Variants in DERA observed in about 807,000 individuals in gnomAD.
DERA encodes the protein 2-deoxy-D-ribose 5-phosphate aldolase.
A neutral mutation model predicts 41.1 loss-of-function variants in DERA; 15 were observed. The ratio of observed to expected loss-of-function variants is 0.37; its 90% CI spans 0.24 to 0.56. DERA has a LOEUF of 0.56. Ranked by LOEUF, DERA falls within the 20% of genes least tolerant of loss-of-function variation. DERA has a pLI of 0.81. For missense variants in DERA, 396 were observed against 403.4 expected (o/e 0.98, Z 0.16); for synonymous variants, 139 against 137.4 (o/e 1.01, Z -0.08).
chr12:16,006,577 C>T (rs535478300), intron 6 of DERA, among the ~76,000 whole-genome samples: 44 of 152,354 alleles, frequency 2.9e-4, no homozygotes, highest in Middle Eastern at 3.4e-3. Flanking sequence ...TTCCACACGT[C>T]GTACCCGACA....
rs2136134845 is a variant in DERA at position 15,938,569 on chromosome 12, G to T, written c.32-18367G>T. Among the ~76,000 whole-genome samples, 1 of 152,198 alleles carries T rather than the reference G, an allele frequency of 6.6e-6. No individual in the cohort carries two copies. Among genetic ancestry groups the T allele is most frequent in the East Asian group, 1.9e-4 (1 of 5,180 alleles). On this transcript the variant is annotated intron_variant, in intron 1 of 8. Coordinates refer to ENST00000428559, the MANE Select transcript of DERA (RefSeq NM_015954.4). The surrounding 1 kb of genome is among the most constrained non-coding windows in gnomAD (Gnocchi z 4.1). ...TTAAAATTCTTGATAGTTTTCAATT[G>T]ATTCTTACCCATGAAATGTGTTTTT...
Position 15,947,808 on chromosome 12 carries a change from G to A in DERA, c.32-9128G>A, listed in dbSNP as rs149984406. Among the ~76,000 whole-genome samples, 39 of 152,226 alleles carry A rather than the reference G, an allele frequency of 2.6e-4. No individual in the cohort carries two copies. In the East Asian group the frequency reaches 3.1e-3, roughly 12 times the overall value. On this transcript the variant is annotated intron_variant, in intron 1 of 8. Transcript: ENST00000428559. Reference sequence around the variant, plus strand: ...GATGCAGTTTCTTCCTAGCATTGACGGTCTTTACAATTTGGCATGTTTTTT... The same window carrying A: ...GATGCAGTTTCTTCCTAGCATTGACAGTCTTTACAATTTGGCATGTTTTTT...
At chr12:15,951,759 A>G (rs1003974884) in intron 1 of DERA, among the ~76,000 whole-genome samples, 3 of 152,162 alleles carry the variant, frequency 2.0e-5, no homozygotes, top group Non-Finnish European at 4.4e-5. Context: ...ACATACACCA[A>G]CAGATACATG....
chr12:16,033,306 G>T (rs1036239923), intron 7 of DERA, among the ~76,000 whole-genome samples: 2 of 152,194 alleles, frequency 1.3e-5, no homozygotes, highest in African/African-American at 4.8e-5. Flanking sequence ...GTAGCTAGAC[G>T]TTATATAGCT....
At chr12:15,930,419 TTC>T (rs1476172404) in intron 1 of DERA, among the ~76,000 whole-genome samples, 5 of 152,322 alleles carry the variant, frequency 3.3e-5, no homozygotes, top group Admixed American at 3.3e-4. Flanking sequence ...CCATCCCAAG[TTC>T]TTTTATTTTT....
rs1948628949 is a variant in DERA, at chr12:15,967,212, A to G, written c.508+4265A>G. On this transcript the variant is annotated intron_variant, in intron 5 of 8. Coordinates refer to ENST00000428559, the MANE Select transcript of DERA (RefSeq NM_015954.4). The surrounding 1 kb of genome is among the most constrained non-coding windows in gnomAD (Gnocchi z 4.9). ...ATAAAAAAAAAAAAATGCAAAAATTAGCCTGGTGTTGTGGTATGCGCCTGT... is the reference window on the plus strand; with the variant it reads ...ATAAAAAAAAAAAAATGCAAAAATTGGCCTGGTGTTGTGGTATGCGCCTGT... Among the ~76,000 whole-genome samples, 1 of 151,826 alleles carries G rather than the reference A, an allele frequency of 6.6e-6. No homozygotes were observed. Among genetic ancestry groups the G allele is most frequent in the South Asian group, 2.1e-4 (1 of 4,814 alleles).
rs1039406142 is a variant in DERA at position 15,981,144 on chromosome 12, C to T, written c.509-1164C>T. Among the ~76,000 whole-genome samples the T allele has an allele frequency of 8.5e-5, 13 of 152,050 alleles. No individual in the cohort carries two copies. The highest frequency in any genetic ancestry group is 8.5e-4 in the Admixed American group (13 of 15,246). On this transcript the variant is annotated intron_variant, in intron 5 of 8. Transcript: ENST00000428559. This position sits in a 1 kb window ranked among gnomAD's most constrained non-coding sequence, Gnocchi z 6.1. ...CAGGCGGATTACCAGATCAGGAGAT[C>T]GAGACCATCCTGGTTAACACGGTGA...
chr12:15,973,434 T>TACCAAATTATTATTTTTCTAATAC (rs1202150412), intron 5 of DERA, among the ~76,000 whole-genome samples: 1 of 26,274 alleles, frequency 3.8e-5, no homozygotes, highest in African/African-American at 1.2e-4. Flanking sequence ...TTTGATAATA[T>TACCAAATTATTATTTTTCTAATAC]ATGGCAAGAA....
intron 6 of DERA, among the ~76,000 whole-genome samples, chr12:16,016,805 A>AG (rs898033397): frequency 2.0e-5 from 3 of 151,134 alleles, no homozygotes; most frequent in Non-Finnish European, 4.4e-5. Context: ...AAAAAAAAAA[A>AG]AAAAAAAAAA....
At chr12:15,937,966 A>T (rs57932069) in intron 1 of DERA, among the ~76,000 whole-genome samples, 2,841 of 152,278 alleles carry the variant, frequency 0.019, 99 homozygotes, top group African/African-American at 0.063. Flanking sequence ...TTAATGAAGT[A>T]GTCTGAATCC....
At chr12:15,971,436 C>T (rs1393219309) in intron 5 of DERA, among the ~76,000 whole-genome samples, 2 of 150,240 alleles carry the variant, frequency 1.3e-5, no homozygotes, top group African/African-American at 4.9e-5. Flanking sequence ...GGCAAGAAAA[C>T]ACTAAGTCCC....
chr12:16,030,894 T>G (rs573541817), intron 6 of DERA, among the ~76,000 whole-genome samples: 2 of 152,342 alleles, frequency 1.3e-5, no homozygotes, highest in African/African-American at 4.8e-5. Flanking sequence ...TGTCTCCACT[T>G]TCTCCCAGGC....
At chr12:16,033,397 A>G (rs1949105900) in intron 7 of DERA, among the ~76,000 whole-genome samples, 1 of 152,216 alleles carries the variant, frequency 6.6e-6, no homozygotes, top group South Asian at 2.1e-4. Context: ...GAGGGTGTAT[A>G]CTAGTTTTTG....
In DERA at chr12:15,911,372, G is replaced by C; in HGVS notation, c.-12G>C. The C allele has an allele frequency of 7.1e-7, 1 of 1,411,644 alleles. No individual in the cohort carries two copies. Among genetic ancestry groups the C allele is most frequent in the Non-Finnish European group, 9.1e-7 (1 of 1,095,940 alleles). 87.4% of individuals were successfully genotyped at this position (1,411,644 alleles called of 1,614,324 possible). On this transcript the variant is annotated 5_prime_UTR_variant, in exon 1 of 9. Transcript: ENST00000428559. The surrounding 1 kb of genome is among the most constrained non-coding windows in gnomAD (Gnocchi z 4.5). ...GCGCCTACCAGCCGGCAGCTCCGGA[G>C]CTGCCCGCGCCATGTCCGCGCACAA...
Position 15,998,350 on chromosome 12 carries a change from C to G in DERA, c.637+15914C>G, listed in dbSNP as rs1948852948. 6.6e-6 allele frequency among the ~76,000 whole-genome samples: 1 copy of G among 152,058 alleles called. No individual in the cohort carries two copies. Among genetic ancestry groups the G allele is most frequent in the African/African-American group, 2.4e-5 (1 of 41,398 alleles). The stretch of plus-strand genomic sequence containing the variant: ...TTATTTATTTAGAGACGGAGTCTAG[C>G]TGTGTCGCCCAGGCTAGAGTGCAAT... On this transcript the variant is annotated intron_variant, in intron 6 of 8. Coordinates refer to ENST00000428559, the MANE Select transcript of DERA (RefSeq NM_015954.4). This position sits in a 1 kb window ranked among gnomAD's most constrained non-coding sequence, Gnocchi z 4.8.
chr12:15,966,949 C>T lies in DERA; in HGVS notation c.508+4002C>T, dbSNP rs77689424. On this transcript the variant is annotated intron_variant, in intron 5 of 8. Transcript: ENST00000428559. This position sits in a 1 kb window ranked among gnomAD's most constrained non-coding sequence, Gnocchi z 5.1. ...GCCACCTGCTCCAGAACTCGTATTC[C>T]GTTGTATCACTACACCATGTTGCAT... Among the ~76,000 whole-genome samples, 770 of 152,210 alleles carry T rather than the reference C, an allele frequency of 5.1e-3. 8 individuals are homozygous for T. Among genetic ancestry groups the T allele is most frequent in the African/African-American group, 0.017 (713 of 41,546 alleles).
Position 15,982,237 on chromosome 12 carries a change from GCT to G in DERA, c.509-68_509-67del, listed in dbSNP as rs1948737049. On this transcript the variant is annotated intron_variant, in intron 5 of 8. Transcript: ENST00000428559. This position sits in a 1 kb window ranked among gnomAD's most constrained non-coding sequence, Gnocchi z 4.0. Reference sequence around the variant, plus strand: ...CCTAAATGTGAAATGGGTTCCACCAGCTCTAAACGGCTGCCAAGTTATGTTAT... The same window carrying G: ...CCTAAATGTGAAATGGGTTCCACCAGCTAAACGGCTGCCAAGTTATGTTAT... 1 of 1,487,476 alleles carries G rather than the reference GCT, an allele frequency of 6.7e-7. No individual in the cohort carries two copies. The highest frequency in any genetic ancestry group is 1.4e-5 in the African/African-American group (1 of 71,194). 92.1% of individuals were successfully genotyped at this position (1,487,476 alleles called of 1,614,324 possible).
chr12:15,958,364 T>G, intron 3 of DERA, 29 bp downstream of exon 3: 2 of 1,566,218 alleles, frequency 1.3e-6, no homozygotes, highest in Non-Finnish European at 1.7e-6. Context: ...ATCTATGTGG[T>G]GTTTAGTGCT....
rs1158719256 is a variant in DERA, at chr12:16,037,334, A to G, written c.*588A>G. 3 of 152,274 alleles carry G rather than the reference A, an allele frequency of 2.0e-5. No homozygotes were observed. Among genetic ancestry groups the G allele is most frequent in the African/African-American group, 4.8e-5 (2 of 41,462 alleles). The allele number at this position is 152,274 out of a possible 1,614,324, so 9.4% of individuals were successfully genotyped here. A position where few individuals can be genotyped will look rare whatever the true frequency, so the allele number is the denominator to read the frequency against. On this transcript the variant is annotated 3_prime_UTR_variant, in exon 9 of 9. Transcript: ENST00000428559. This position sits in a 1 kb window ranked among gnomAD's most constrained non-coding sequence, Gnocchi z 6.7. ...AAAAACTTAAAAATTGTTACAATACATAATGAAAAAATAATCCATTAAACA... is the reference window on the plus strand; with the variant it reads ...AAAAACTTAAAAATTGTTACAATACGTAATGAAAAAATAATCCATTAAACA...
Sources: allele counts gnomAD v4.1 joint callset (sites outside exome capture counted in the v4.1 genomes callset), GRCh38; gene constraint gnomAD v4.1.1; non-coding constraint Gnocchi (gnomAD v3.1); transcripts MANE v1.5; gene names NCBI Gene and HGNC (gene_info 2026-07-23, HGNC 2026-07-21).